The following PTCSC3 variants were observed in gnomAD, a reference collection of about 807,000 sequenced individuals.
PTCSC3 encodes papillary thyroid carcinoma susceptibility candidate 3.
chr14:36,175,213 C>G (rs1400319727), intron 1 of PTCSC3, among the ~76,000 whole-genome samples: 2 of 152,182 alleles, frequency 1.3e-5, no homozygotes, highest in African/African-American at 4.8e-5. Context: ...GTCTCTGTAC[C>G]ATGGTCAGGA....
At chr14:36,168,330 C>A (rs1594456803) in intron 1 of PTCSC3, among the ~76,000 whole-genome samples, 1 of 142,768 alleles carries the variant, frequency 7.0e-6, no homozygotes, top group Admixed American at 7.2e-5. Context: ...CATTAAAACC[C>A]ATTATTGGGA....
intron 3 of PTCSC3, among the ~76,000 whole-genome samples, chr14:36,151,628 T>C (rs552954121): frequency 6.6e-6 from 1 of 152,318 alleles, no homozygotes; most frequent in East Asian, 1.9e-4. Flanking sequence ...TTTGGTGGGC[T>C]ATACTCCCTG....
At chr14:36,137,780 T>TG (rs1333083016) in intron 3 of PTCSC3, among the ~76,000 whole-genome samples, 1 of 152,034 alleles carries the variant, frequency 6.6e-6, no homozygotes, top group African/African-American at 2.4e-5. Flanking sequence ...GCAGGTATGG[T>TG]GGGGGAAGTA....
At chr14:36,142,007 C>T (rs745576171) in intron 3 of PTCSC3, among the ~76,000 whole-genome samples, 38 of 152,012 alleles carry the variant, frequency 2.5e-4, no homozygotes, top group Admixed American at 6.6e-5. Context: ...AACCTGTATG[C>T]CTTTTGTCTT....
chr14:36,153,715 T>C (rs1881771542), intron 3 of PTCSC3: 1 of 152,194 alleles, frequency 6.6e-6, no homozygotes, highest in South Asian at 2.1e-4. Context: ...CAGATTCTAA[T>C]AAGAGTGGAA....
intron 1 of PTCSC3, among the ~76,000 whole-genome samples, chr14:36,164,835 T>C (rs1882053240): frequency 6.6e-6 from 1 of 152,212 alleles, no homozygotes; most frequent in Admixed American, 6.5e-5. Flanking sequence ...GATATCTTTA[T>C]TAATATGTCT....
chr14:36,161,723 G>A (rs1442572046), intron 2 of PTCSC3, among the ~76,000 whole-genome samples: 1 of 152,240 alleles, frequency 6.6e-6, no homozygotes, highest in African/African-American at 2.4e-5. Flanking sequence ...TGAGGAGGCA[G>A]TCTGACCCTT....
At chr14:36,147,304 C>T (rs1165786625) in intron 3 of PTCSC3, among the ~76,000 whole-genome samples, 4 of 152,346 alleles carry the variant, frequency 2.6e-5, no homozygotes, top group Non-Finnish European at 4.4e-5. Flanking sequence ...GTACACCAAT[C>T]AGACGTAGAT....
At chr14:36,172,751 TCTC>T (rs1220756813) in intron 1 of PTCSC3, among the ~76,000 whole-genome samples, 7 of 152,058 alleles carry the variant, frequency 4.6e-5, no homozygotes, top group African/African-American at 1.7e-4. Context: ...TCTAATGCAG[TCTC>T]CTCCTCACTC....
At chr14:36,148,300 C>T (rs912218302) in intron 3 of PTCSC3, among the ~76,000 whole-genome samples, 2 of 152,154 alleles carry the variant, frequency 1.3e-5, no homozygotes, top group South Asian at 4.1e-4. Context: ...GACTGCTGTG[C>T]TAGCAATCAG....
chr14:36,160,071 T>C (rs190076102), intron 2 of PTCSC3, among the ~76,000 whole-genome samples: 1 of 152,356 alleles, frequency 6.6e-6, no homozygotes, highest in Admixed American at 6.5e-5. Flanking sequence ...TTGCTCTCCA[T>C]TTGCTTGGCA....
At chr14:36,162,991 A>C (rs2139108172) in intron 1 of PTCSC3, among the ~76,000 whole-genome samples, 1 of 152,330 alleles carries the variant, frequency 6.6e-6, no homozygotes, top group Middle Eastern at 3.4e-3. Context: ...AGAAAATTTT[A>C]GCTATCTTTA....
At chr14:36,175,353 C>T (rs1350640275) in intron 1 of PTCSC3, among the ~76,000 whole-genome samples, 3 of 151,986 alleles carry the variant, frequency 2.0e-5, no homozygotes, top group Non-Finnish European at 2.9e-5. Context: ...TATTCTGTCC[C>T]GTTTTAGAGT....
At chr14:36,148,775 GC>G (rs1211592418) in intron 3 of PTCSC3, among the ~76,000 whole-genome samples, 2 of 151,992 alleles carry the variant, frequency 1.3e-5, no homozygotes, top group Non-Finnish European at 2.9e-5. Flanking sequence ...TGAGGAATTA[GC>G]CCATTTTATC....
intron 3 of PTCSC3, among the ~76,000 whole-genome samples, chr14:36,146,827 T>G (rs1881584463): frequency 6.6e-6 from 1 of 152,258 alleles, no homozygotes; most frequent in Non-Finnish European, 1.5e-5. Context: ...TATTTAGTGC[T>G]TCCTTCAGGA....
intron 3 of PTCSC3, among the ~76,000 whole-genome samples, chr14:36,138,644 A>C (rs1274871313): frequency 6.6e-6 from 1 of 152,228 alleles, no homozygotes; most frequent in Non-Finnish European, 1.5e-5. Context: ...TACCCACTAG[A>C]ATGGCTAAAA....
intron 1 of PTCSC3, among the ~76,000 whole-genome samples, chr14:36,164,826 A>G (rs977957827): frequency 7.9e-5 from 12 of 152,188 alleles, no homozygotes; most frequent in Admixed American, 6.5e-5. Context: ...ACAGAAAATG[A>G]TATCTTTATT....
chr14:36,175,462 C>T (rs1463621291), intron 1 of PTCSC3, among the ~76,000 whole-genome samples: 3 of 152,140 alleles, frequency 2.0e-5, no homozygotes, highest in Non-Finnish European at 4.4e-5. Flanking sequence ...ATCACATTTC[C>T]ACGTTGGGAA....
intron 3 of PTCSC3, among the ~76,000 whole-genome samples, chr14:36,147,968 A>T (rs374709423): frequency 6.6e-6 from 1 of 151,828 alleles, no homozygotes; most frequent in Non-Finnish European, 1.5e-5. Context: ...TCCCAGTTAG[A>T]CTGCTCGGGG....
Sources: gnomAD v4.1 joint callset for allele counts (sites outside exome capture counted in the v4.1 genomes callset) on GRCh38, gnomAD v4.1.1 for gene constraint, MANE v1.5 for transcripts, NCBI Gene and HGNC (gene_info 2026-07-23, HGNC 2026-07-21) for gene names.